Variants in SAMMSON observed in about 807,000 individuals in gnomAD.
SAMMSON encodes the protein survival associated mitochondrial melanoma specific oncogenic non-coding RNA.
intron 4 of SAMMSON, among the ~76,000 whole-genome samples, chr3:70,167,137 T>C (rs925110004): frequency 3.3e-5 from 5 of 152,056 alleles, no homozygotes; most frequent in Non-Finnish European, 5.9e-5. Flanking sequence ...TTTAACTTAG[T>C]CTTTAAAATC....
At chr3:70,341,775 A>G (rs1324302127) in intron 7 of SAMMSON, among the ~76,000 whole-genome samples, 3 of 152,190 alleles carry the variant, frequency 2.0e-5, no homozygotes, top group Non-Finnish European at 2.9e-5. Context: ...CCTTAATAGC[A>G]TTATGCAGCA....
intron 6 of SAMMSON, among the ~76,000 whole-genome samples, chr3:70,265,628 G>A (rs77335725): frequency 6.6e-6 from 1 of 152,126 alleles, no homozygotes; most frequent in Non-Finnish European, 1.5e-5. Flanking sequence ...AGCAGATAAG[G>A]GACATTTTCT....
intron 4 of SAMMSON, among the ~76,000 whole-genome samples, chr3:70,191,552 T>C (rs979634682): frequency 6.6e-6 from 1 of 152,224 alleles, no homozygotes; most frequent in African/African-American, 2.4e-5. Context: ...TGCAATACAT[T>C]GACTTTGCAT....
chr3:70,420,572 T>C (rs1448602875), intron 2 of SAMMSON, among the ~76,000 whole-genome samples: 2 of 152,224 alleles, frequency 1.3e-5, no homozygotes, highest in Non-Finnish European at 2.9e-5. Context: ...AAACAGACTT[T>C]TCCTAAAGGG....
chr3:70,323,364 C>T (rs1306533507), intron 7 of SAMMSON, among the ~76,000 whole-genome samples: 1 of 152,148 alleles, frequency 6.6e-6, no homozygotes, highest in African/African-American at 2.4e-5. Context: ...CAGCTCATTT[C>T]TCCGAATTGT....
intron 3 of SAMMSON, among the ~76,000 whole-genome samples, chr3:70,030,930 T>C (rs1441083816): frequency 6.6e-6 from 1 of 152,176 alleles, no homozygotes; most frequent in Non-Finnish European, 1.5e-5. Context: ...AAATTGGAAC[T>C]CTTGTGCATT....
downstream of SAMMSON, among the ~76,000 whole-genome samples, chr3:70,390,931 G>T (rs1701041450): frequency 6.6e-6 from 1 of 152,276 alleles, no homozygotes; most frequent in Non-Finnish European, 1.5e-5. Flanking sequence ...GTAAGTGTTT[G>T]TTGCCTATTA....
chr3:70,025,074 T>G (rs1173042590), intron 3 of SAMMSON: 1 of 152,202 alleles, frequency 6.6e-6, no homozygotes, highest in East Asian at 1.9e-4. Flanking sequence ...AAGGGCATGT[T>G]ATTTTATGAT....
rs566119796 is a variant in SAMMSON at position 70,078,956 on chromosome 3, A to T, written n.507+7391A>T. Among the ~76,000 whole-genome samples the T allele has an allele frequency of 2.5e-3, 385 of 152,312 alleles. 1 individual carries two copies. The highest frequency in any genetic ancestry group is 9.0e-3 in the African/African-American group (373 of 41,574). On this transcript the variant is annotated intron_variant and non_coding_transcript_variant, in intron 4 of 9. Coordinates refer to ENST00000642114, the Ensembl canonical transcript of SAMMSON. ...ACAATCCATGGACTAAATCTGACCC[A>T]CTGCCTGTTTTTGTAAATATAGTTC...
At chr3:70,324,802 G>T (rs970968388) in intron 7 of SAMMSON, among the ~76,000 whole-genome samples, 1 of 151,830 alleles carries the variant, frequency 6.6e-6, no homozygotes, top group African/African-American at 2.4e-5. Flanking sequence ...CATAACAAAA[G>T]CACAGCGTAA....
At chr3:70,119,735 G>C (rs543252996) in intron 4 of SAMMSON, among the ~76,000 whole-genome samples, 2 of 152,080 alleles carry the variant, frequency 1.3e-5, no homozygotes, top group Non-Finnish European at 2.9e-5. Flanking sequence ...TTTTTAATTT[G>C]TGTGTAAACA....
intron 4 of SAMMSON, among the ~76,000 whole-genome samples, chr3:70,145,900 T>C (rs895490840): frequency 6.6e-6 from 1 of 151,680 alleles, no homozygotes; most frequent in African/African-American, 2.4e-5. Flanking sequence ...AATAAAAATA[T>C]CAAGTGAAAC....
intron 3 of SAMMSON, among the ~76,000 whole-genome samples, chr3:70,044,380 T>C (rs566645704): frequency 4.6e-5 from 7 of 152,036 alleles, no homozygotes; most frequent in Non-Finnish European, 7.4e-5. Context: ...TGCTAAAGTT[T>C]GAGAAATAAG....
chr3:70,065,173 T>G (rs973111345), intron 3 of SAMMSON: 1 of 152,108 alleles, frequency 6.6e-6, no homozygotes, highest in African/African-American at 2.4e-5. Flanking sequence ...AATTGAAAAC[T>G]AATTTATTAT....
intron 7 of SAMMSON, among the ~76,000 whole-genome samples, chr3:70,349,807 G>T (rs1702779934): frequency 6.6e-6 from 1 of 152,160 alleles, no homozygotes; most frequent in African/African-American, 2.4e-5. Flanking sequence ...TTACTCAGGG[G>T]ACTGCTAGAC....
Position 70,405,159 on chromosome 3 carries a change from A to T in SAMMSON, n.233+46835A>T, listed in dbSNP as rs138969717. Among the ~76,000 whole-genome samples, 8 of 152,318 alleles carry T rather than the reference A, an allele frequency of 5.3e-5. No individual in the cohort carries two copies. In the East Asian group the frequency reaches 1.5e-3, roughly 29 times the overall value. On this transcript the variant is annotated intron_variant and non_coding_transcript_variant, in intron 2 of 3. Coordinates refer to the SAMMSON transcript ENST00000641053. ...CTAAACAATGGGGCATTTGGTAGAT[A>T]CCAAATAAGGGTCACCACATAATAG...
At chr3:70,134,312 G>A in intron 4 of SAMMSON, among the ~76,000 whole-genome samples, 2 of 149,938 alleles carry the variant, frequency 1.3e-5, no homozygotes. Flanking sequence ...TTTGTGCCCA[G>A]TAGTGTTCCT....
intron 7 of SAMMSON, among the ~76,000 whole-genome samples, chr3:70,296,475 A>G (rs527427234): frequency 6.6e-6 from 1 of 152,308 alleles, no homozygotes; most frequent in East Asian, 1.9e-4. Context: ...TCACACCGTG[A>G]CATTGGTTAA....
chr3:70,265,421 A>G (rs77656299), intron 6 of SAMMSON, among the ~76,000 whole-genome samples: 20,645 of 152,048 alleles, frequency 0.14, 1,531 homozygotes, highest in East Asian at 0.23. Flanking sequence ...AAGGCAGGAA[A>G]TCTCTTGATT....
Sources: gnomAD v4.1 joint callset for allele counts (sites outside exome capture counted in the v4.1 genomes callset) on GRCh38, gnomAD v4.1.1 for gene constraint, MANE v1.5 for transcripts, NCBI Gene and HGNC (gene_info 2026-07-23, HGNC 2026-07-21) for gene names.